ACVR1: variants seen among roughly 807,000 people sequenced by gnomAD.
ACVR1 encodes the protein activin receptor type-1.
In ACVR1, 38 loss-of-function variants were observed where a neutral mutation model predicts 57.1. That is an observed-to-expected ratio of 0.67 (90% CI 0.51 to 0.87). The LOEUF (loss-of-function observed/expected upper bound fraction) is 0.87. ACVR1 is among the 40% of genes least tolerant of loss of function. The probability of loss-of-function intolerance (pLI) is 0.00; values close to 1 mark genes in which losing one functional copy is unlikely to be tolerated. For missense variants in ACVR1, 463 were observed against 638.2 expected, an observed-to-expected ratio of 0.73 and a Z score of 2.96; for synonymous variants, 212 against 228.1, an observed-to-expected ratio of 0.93 and a Z score of 0.63.
chr2:157,869,856 A>C (rs1404423393), intron 1 of ACVR1, among the ~76,000 whole-genome samples: 1 of 152,152 alleles, frequency 6.6e-6, no homozygotes, highest in Non-Finnish European at 1.5e-5. Context: ...GGAAGGTGTC[A>C]CTCTAGATAA....
intron 8 of ACVR1, among the ~76,000 whole-genome samples, chr2:157,763,900 C>A (rs945388077): frequency 2.0e-5 from 3 of 152,116 alleles, no homozygotes; most frequent in South Asian, 2.1e-4. Context: ...TTTATACAAA[C>A]CCATATATCT....
intron 9 of ACVR1, among the ~76,000 whole-genome samples, chr2:157,757,156 T>TGAAGAAGAAA (rs1685471145): frequency 6.6e-6 from 1 of 150,934 alleles, no homozygotes; most frequent in South Asian, 2.1e-4. Flanking sequence ...GAAAGACTTC[T>TGAAGAAGAAA]GAACTTGAAA....
At chr2:157,772,169 A>G (rs1193384107) in intron 6 of ACVR1, among the ~76,000 whole-genome samples, 2 of 152,234 alleles carry the variant, frequency 1.3e-5, no homozygotes, top group South Asian at 2.1e-4. Context: ...AAATGCTTTT[A>G]AGTTGTTAAA....
At chr2:157,756,971 ATT>A (rs1685450808) in intron 9 of ACVR1, among the ~76,000 whole-genome samples, 1 of 143,118 alleles carries the variant, frequency 7.0e-6, no homozygotes, top group Non-Finnish European at 1.5e-5. Flanking sequence ...TTTTATATAT[ATT>A]TATATATATA....
chr2:157,796,084 C>A (rs1296101408), intron 3 of ACVR1, among the ~76,000 whole-genome samples: 1 of 151,732 alleles, frequency 6.6e-6, no homozygotes, highest in Non-Finnish European at 1.5e-5. Context: ...GTTAGCCAGG[C>A]ATGGTTCCCT....
intron 1 of ACVR1, among the ~76,000 whole-genome samples, chr2:157,845,484 C>T (rs1404871549): frequency 3.3e-5 from 5 of 151,976 alleles, no homozygotes; most frequent in Admixed American, 6.6e-5. Context: ...CTGAAAGGAG[C>T]TAGGAAAGAG....
At chr2:157,757,723 C>G (rs1457116394) in intron 9 of ACVR1, among the ~76,000 whole-genome samples, 1 of 151,904 alleles carries the variant, frequency 6.6e-6, no homozygotes, top group East Asian at 1.9e-4. Context: ...AATTTATCAT[C>G]ACTAGACTGG....
rs1251720145 is a variant in ACVR1 at position 157,855,317 on chromosome 2, T to TACAC, written c.-183+20478_-183+20479insGTGT. On this transcript the variant is annotated intron_variant, in intron 1 of 10. Coordinates refer to ENST00000434821, the MANE Select transcript of ACVR1 (RefSeq NM_001111067.4). ...GTGTGTGTGTGTGTGTGTATATATATATATATACACACACACACACACACA... is the reference window on the plus strand; with the variant it reads ...GTGTGTGTGTGTGTGTGTATATATATACACATATATACACACACACACACACACA... Among the ~76,000 whole-genome samples, 123 of 107,610 alleles carry TACAC rather than the reference T, an allele frequency of 1.1e-3. 2 individuals carry two copies. The highest frequency in any genetic ancestry group is 1.9e-3 in the South Asian group (5 of 2,632). The allele number at this position is 107,610 out of a possible 152,430, so 70.6% of individuals were successfully genotyped here. A position where few individuals can be genotyped will look rare whatever the true frequency, so the allele number is the denominator to read the frequency against.
intron 1 of ACVR1, among the ~76,000 whole-genome samples, chr2:157,875,353 T>C (rs1201794936): frequency 1.3e-5 from 2 of 152,094 alleles, no homozygotes; most frequent in Non-Finnish European, 2.9e-5. Context: ...TTGGAAGAGA[T>C]GGATATTTTG....
At chr2:157,814,074 G>A (rs1687849499) in intron 2 of ACVR1, among the ~76,000 whole-genome samples, 1 of 152,206 alleles carries the variant, frequency 6.6e-6, no homozygotes, top group African/African-American at 2.4e-5. Flanking sequence ...ATAGCCTGGT[G>A]CTTAGAACAA....
At chr2:157,794,329 T>C (rs1241006573) in intron 3 of ACVR1, among the ~76,000 whole-genome samples, 2 of 152,200 alleles carry the variant, frequency 1.3e-5, no homozygotes, top group South Asian at 4.1e-4. Flanking sequence ...TAGAGTTGTA[T>C]ATATAATGAA....
At chr2:157,808,604 G>C (rs527777918) in intron 2 of ACVR1, among the ~76,000 whole-genome samples, 1 of 152,134 alleles carries the variant, frequency 6.6e-6, no homozygotes, top group Admixed American at 6.5e-5. Context: ...GGATTGCTTG[G>C]ATCTCTAGTT....
chr2:157,851,273 G>A (rs1254947091), intron 1 of ACVR1, among the ~76,000 whole-genome samples: 1 of 152,016 alleles, frequency 6.6e-6, no homozygotes, highest in Non-Finnish European at 1.5e-5. Context: ...ACCATCTATG[G>A]AAAAAAACTG....
chr2:157,767,750 A>G (rs1361157762), intron 7 of ACVR1, among the ~76,000 whole-genome samples: 1 of 152,164 alleles, frequency 6.6e-6, no homozygotes, highest in African/African-American at 2.4e-5. Context: ...TGGTGCTGGG[A>G]GATGCCAAGG....
chr2:157,805,802 GTTTT>G (rs968141904), intron 2 of ACVR1, among the ~76,000 whole-genome samples: 7 of 131,546 alleles, frequency 5.3e-5, no homozygotes, highest in African/African-American at 1.4e-4. Flanking sequence ...GTTTGTTTGG[GTTTT>G]TTTTTTCTTT....
chr2:157,747,870 A>C (rs908534757), intron 9 of ACVR1, among the ~76,000 whole-genome samples: 1 of 152,234 alleles, frequency 6.6e-6, no homozygotes, highest in Non-Finnish European at 1.5e-5. Flanking sequence ...ATTTTAAATG[A>C]GACAGGAGAT....
At chr2:157,743,301 C>T (rs1272982355) in intron 9 of ACVR1, among the ~76,000 whole-genome samples, 1 of 152,136 alleles carries the variant, frequency 6.6e-6, no homozygotes, top group Non-Finnish European at 1.5e-5. Flanking sequence ...GGGGCCTAGA[C>T]AAAGTTCAGT....
chr2:157,799,602 ACT>A, intron 2 of ACVR1, 102 bp from the exon 3 acceptor site: 1 of 837,814 alleles, frequency 1.2e-6, no homozygotes, highest in South Asian at 1.4e-5. Context: ...GGCCCTTCTT[ACT>A]AATCACCCTC....
At chr2:157,801,261 G>A (rs751483491) in intron 2 of ACVR1, among the ~76,000 whole-genome samples, 2 of 152,166 alleles carry the variant, frequency 1.3e-5, no homozygotes, top group Admixed American at 6.5e-5. Flanking sequence ...TAATGTTAGC[G>A]TGGACATGAT....
Sources: gnomAD v4.1 joint callset for allele counts (sites outside exome capture counted in the v4.1 genomes callset) on GRCh38, gnomAD v4.1.1 for gene constraint, MANE v1.5 for transcripts, NCBI Gene and HGNC (gene_info 2026-07-23, HGNC 2026-07-21) for gene names.